MYH15: variants seen among roughly 807,000 people sequenced by gnomAD.
MYH15 encodes the protein myosin heavy chain 15, also known as myosin-15.
In MYH15, 227 loss-of-function variants were observed where a neutral mutation model predicts 240.5. The ratio of observed to expected loss-of-function variants is 0.94; its 90% CI spans 0.85 to 1.05. The LOEUF is 1.05. Ranked by LOEUF, MYH15 falls within the 50% of genes least tolerant of loss-of-function variation. The pLI is 0.00. For missense variants in MYH15, 2,217 were observed against 2,247.5 expected, an observed-to-expected ratio of 0.99 and a Z score of 0.27; for synonymous variants, 785 against 796.7, an observed-to-expected ratio of 0.99 and a Z score of 0.25.
At chr3:108,479,969 T>TA (rs1248385162) in intron 11 of MYH15, among the ~76,000 whole-genome samples, 1 of 152,190 alleles carries the variant, frequency 6.6e-6, no homozygotes, top group African/African-American at 2.4e-5. Flanking sequence ...TAAACAAAGT[T>TA]AACTGAGCAT....
chr3:108,503,380 G>A (rs570380072), intron 2 of MYH15, among the ~76,000 whole-genome samples: 1 of 152,224 alleles, frequency 6.6e-6, no homozygotes, highest in South Asian at 2.1e-4. Flanking sequence ...CATAGACTGA[G>A]AGAAAATATG....
chr3:108,459,758 TTC>T (rs960952324), intron 17 of MYH15, among the ~76,000 whole-genome samples: 6 of 152,184 alleles, frequency 3.9e-5, no homozygotes, highest in Non-Finnish European at 8.8e-5. Flanking sequence ...GTTTCTCAAG[TTC>T]TCTCTCTGTG....
At chr3:108,527,523 T>C (rs1029185357) in intron 1 of MYH15, among the ~76,000 whole-genome samples, 17 of 152,288 alleles carry the variant, frequency 1.1e-4, no homozygotes, top group African/African-American at 4.1e-4. Flanking sequence ...TAATAGAGTT[T>C]AATTATTTTT....
chr3:108,457,242 G>A (rs2083030196), intron 18 of MYH15, among the ~76,000 whole-genome samples: 1 of 152,152 alleles, frequency 6.6e-6, no homozygotes, highest in Non-Finnish European at 1.5e-5. Context: ...CAGCCAGAAA[G>A]GGTGATAAGA....
intron 25 of MYH15, among the ~76,000 whole-genome samples, chr3:108,432,300 C>T (rs1319291748): frequency 1.3e-5 from 2 of 152,146 alleles, no homozygotes; most frequent in Non-Finnish European, 2.9e-5. Context: ...CTCAGGCAAT[C>T]TGGCCGCCTT....
chr3:108,542,877 G>C, the MYH15 span, among the ~76,000 whole-genome samples: 3 of 139,958 alleles, frequency 2.1e-5, no homozygotes, highest in African/African-American at 8.1e-5. Context: ...ACATGATCTC[G>C]TTCCTTTTTT....
intron 21 of MYH15, among the ~76,000 whole-genome samples, chr3:108,449,010 A>C (rs2107574197): frequency 6.6e-6 from 1 of 152,136 alleles, no homozygotes; most frequent in African/African-American, 2.4e-5. Flanking sequence ...CAAAAATTAA[A>C]ATAAAATAGA....
At chr3:108,478,681 A>G (rs947165862) in intron 11 of MYH15, among the ~76,000 whole-genome samples, 2 of 86,220 alleles carry the variant, frequency 2.3e-5, no homozygotes, top group East Asian at 4.0e-4. Context: ...GTCCAGGTTT[A>G]AAAAAAAAAA....
chr3:108,407,671 C>G (rs939331332), intron 32 of MYH15, among the ~76,000 whole-genome samples: 2 of 152,156 alleles, frequency 1.3e-5, no homozygotes, highest in African/African-American at 4.8e-5. Context: ...CACTTTGAAT[C>G]TTATTTCTGA....
At chr3:108,515,765 T>C (rs148727850) in intron 1 of MYH15, among the ~76,000 whole-genome samples, 14 of 152,330 alleles carry the variant, frequency 9.2e-5, no homozygotes, top group Middle Eastern at 3.4e-3. Flanking sequence ...GTGCTAAATA[T>C]GTAAGACAGT....
At chr3:108,497,386 C>A (rs1484485131) in intron 6 of MYH15, among the ~76,000 whole-genome samples, 6 of 151,956 alleles carry the variant, frequency 3.9e-5, no homozygotes, top group African/African-American at 1.5e-4. Context: ...GGTCTAACAG[C>A]TCAATAACTC....
Position 108,428,715 on chromosome 3 carries a change from T to G in MYH15, c.3479A>C (p.Glu1160Ala), listed in dbSNP as rs141309745. Residue 1160 changes from glutamate to alanine, a missense_variant, in exon 27 of 41, where the codon GAA (glutamate) becomes GCA (alanine). Glu to Ala is a moderately radical substitution (Grantham distance 107). Coordinates refer to ENST00000693548, the MANE Select transcript of MYH15 (RefSeq NM_014981.3). Reference sequence around the variant, plus strand: ...TCGGTGCAGCTTCTGGAATTTGGTTTCCTGTTTCTTAGTTATTTCCAGCTG... The same window carrying G: ...TCGGTGCAGCTTCTGGAATTTGGTTGCCTGTTTCTTAGTTATTTCCAGCTG... ...LAQLEITKKQETKFQKLHRDM... is the reference protein window; with the variant it reads ...LAQLEITKKQATKFQKLHRDM... 3.2e-4 allele frequency: 516 copies of G among 1,613,924 alleles called. 12 individuals are homozygous for G. In the East Asian group the frequency reaches 0.01, roughly 32 times the overall value.
At chr3:108,449,354 A>T (rs1341337892) in intron 21 of MYH15, among the ~76,000 whole-genome samples, 1 of 152,108 alleles carries the variant, frequency 6.6e-6, no homozygotes, top group African/African-American at 2.4e-5. Flanking sequence ...AAACTATAGC[A>T]ATCAAAACAG....
intron 17 of MYH15, among the ~76,000 whole-genome samples, 168 bp downstream of exon 17, chr3:108,460,132 A>C (rs75265346): frequency 0.036 from 5,422 of 152,284 alleles, 296 homozygotes; most frequent in African/African-American, 0.12. Context: ...AAGTGGGAAC[A>C]AACAGTGTCC....
intron 12 of MYH15, among the ~76,000 whole-genome samples, chr3:108,473,963 A>C (rs2083198242): frequency 1.3e-5 from 2 of 152,220 alleles, no homozygotes; most frequent in Admixed American, 1.3e-4. Context: ...TCTCATCCAT[A>C]AAGAACTGTC....
chr3:108,436,069 C>A (rs1276190727), intron 25 of MYH15, among the ~76,000 whole-genome samples: 1 of 152,046 alleles, frequency 6.6e-6, no homozygotes, highest in African/African-American at 2.4e-5. Flanking sequence ...AATTCCAATA[C>A]CATTTAAGTC....
chr3:108,429,022 G>A, intron 26 of MYH15, 141 bp from the exon 27 acceptor site: 1 of 900,554 alleles, frequency 1.1e-6, no homozygotes. Context: ...GAAGTTAAGT[G>A]ATTTGCCCCA....
At chr3:108,436,515 C>T (rs917880402) in intron 25 of MYH15, among the ~76,000 whole-genome samples, 2 of 152,156 alleles carry the variant, frequency 1.3e-5, no homozygotes, top group Non-Finnish European at 2.9e-5. Flanking sequence ...TCACTGTGGG[C>T]CTCAACCATT....
intron 9 of MYH15, among the ~76,000 whole-genome samples, chr3:108,491,933 A>G (rs964552386): frequency 2.0e-5 from 3 of 151,718 alleles, no homozygotes; most frequent in Non-Finnish European, 4.4e-5. Flanking sequence ...CCCAACCTAA[A>G]TTCCCCTTCT....
Sources: gnomAD v4.1 joint callset for allele counts (sites outside exome capture counted in the v4.1 genomes callset) on GRCh38, gnomAD v4.1.1 for gene constraint, MANE v1.5 for transcripts, NCBI Gene and HGNC (gene_info 2026-07-23, HGNC 2026-07-21) for gene names.